Variants in KRT72 observed in about 807,000 individuals in gnomAD.
KRT72 encodes the protein keratin 72.
In KRT72, 44 loss-of-function variants were observed where a neutral mutation model predicts 44.7. The observed-to-expected ratio is 0.98, with a 90% CI of 0.77 to 1.27. KRT72 has a LOEUF of 1.27. Ranked by LOEUF, KRT72 falls within the 50% of genes most tolerant of loss-of-function variation. The pLI is 0.00. For synonymous variants in KRT72, 302 were observed against 280.4 expected, an observed-to-expected ratio of 1.08 and a Z score of -0.77; for missense variants, 736 against 667.1, an observed-to-expected ratio of 1.10 and a Z score of -1.14.
rs768590824 is a variant in KRT72 at position 52,598,948 on chromosome 12, C to T, written c.591G>A (p.Leu197=). The T allele has an allele frequency of 1.2e-6, 2 of 1,614,194 alleles. No homozygotes were observed. Among genetic ancestry groups the T allele is most frequent in the Non-Finnish European group, 1.7e-6 (2 of 1,180,048 alleles). The change falls in exon 2 of 9, where the codon CTG becomes CTA. Residue 197 remains leucine (L), a synonymous_variant. Transcript: ENST00000293745. ...LEMLSGDGVR[L]DSELRNMQDL... is the part of the protein sequence containing the mutation. ...CCTGCATGTTCCTCAGCTCCGAATCCAGCCTCACCCCGTCCCCAGACAGCA... is the reference window on the plus strand; with the variant it reads ...CCTGCATGTTCCTCAGCTCCGAATCTAGCCTCACCCCGTCCCCAGACAGCA...
chr12:52,601,249 G>T lies in KRT72; in HGVS notation c.204C>A (p.Gly68=). ...LALSAAARRG[G]GRLGGFVGTA... is the part of the protein sequence containing the mutation. Reference sequence around the variant, plus strand: ...TGCCCACGAAGCCGCCCAGGCGGCCGCCGCCCCGCCGTGCAGCAGCGCTGA... The same window carrying T: ...TGCCCACGAAGCCGCCCAGGCGGCCTCCGCCCCGCCGTGCAGCAGCGCTGA... Residue 68 remains glycine, a synonymous_variant, in exon 1 of 9, where the codon GGC becomes GGA. Coordinates refer to ENST00000293745, the MANE Select transcript of KRT72 (RefSeq NM_080747.3). 6.4e-7 allele frequency: 1 copy of T among 1,565,150 alleles called. No individual in the cohort carries two copies.
chr12:52,592,585 T>C, intron 3 of KRT72, 94 bp from the exon 4 acceptor site: 1 of 930,586 alleles, frequency 1.1e-6, no homozygotes, highest in South Asian at 1.5e-5. Context: ...TCCTCTCCCT[T>C]CACCCTGTGC....
chr12:52,590,083 A>C (rs1334199807), intron 6 of KRT72, among the ~76,000 whole-genome samples: 1 of 152,092 alleles, frequency 6.6e-6, no homozygotes, highest in Non-Finnish European at 1.5e-5. Context: ...AGATGGGACA[A>C]CTTGACTTGC....
rs1939984300 is a variant in KRT72 at position 52,590,905 on chromosome 12, C to G, written c.1020G>C (p.Lys340Asn). 1 of 1,608,006 alleles carries G rather than the reference C, an allele frequency of 6.2e-7. No individual in the cohort carries two copies. Among genetic ancestry groups the G allele is most frequent in the East Asian group, 2.2e-5 (1 of 44,778 alleles). Residue 340 changes from lysine to asparagine, a missense_variant, in exon 6 of 9, where the codon AAG (lysine) becomes AAC (asparagine). Lys to Asn is a moderately conservative substitution (Grantham distance 94, BLOSUM62 0). Coordinates refer to ENST00000293745, the MANE Select transcript of KRT72 (RefSeq NM_080747.3). ...GQHGDDLKLT[K>N]AEISELNRLI... Reference sequence around the variant, plus strand: ...GGCGGTTGAGCTCAGAGATTTCAGCCTTGGTGAGCTTGAGGTCATCCCCAT... The same window carrying G: ...GGCGGTTGAGCTCAGAGATTTCAGCGTTGGTGAGCTTGAGGTCATCCCCAT...
At position 52,587,639 on chromosome 12, in the gene KRT72, C is replaced by T. The variant is rs1939823886; in HGVS notation, c.1302G>A (p.Glu434=). ...GGTATCCGGCCCCTCACCTGCACTCCTCGCTCTCCAGCAGCTTGCGGTAGG... is the reference window on the plus strand; with the variant it reads ...GGTATCCGGCCCCTCACCTGCACTCTTCGCTCTCCAGCAGCTTGCGGTAGG... The part of the protein sequence containing the change: ...IATYRKLLES[E]ECRMSGEYPN... The change falls in exon 7 of 9, where the codon GAG becomes GAA. Residue 434 remains glutamate, a synonymous_variant. Coordinates refer to ENST00000293745, the MANE Select transcript of KRT72 (RefSeq NM_080747.3). 1 of 1,614,074 alleles carries T rather than the reference C, an allele frequency of 6.2e-7. No individual in the cohort carries two copies. The highest frequency in any genetic ancestry group is 1.1e-5 in the South Asian group (1 of 91,092).
chr12:52,590,712 C>T, intron 6 of KRT72, 124 bp downstream of exon 6: 1 of 914,564 alleles, frequency 1.1e-6, no homozygotes, highest in Non-Finnish European at 1.6e-6. Context: ...TTCAGATCAT[C>T]CTCTCCTGGT....
chr12:52,602,739 G>C (rs1343214156), upstream of KRT72, among the ~76,000 whole-genome samples: 1 of 152,206 alleles, frequency 6.6e-6, no homozygotes, highest in African/African-American at 2.4e-5. Flanking sequence ...CTTAGGGCAA[G>C]GCTTGTTACT....
Position 52,601,326 on chromosome 12 carries a change from A to C in KRT72, c.127T>G (p.Ser43Ala). 1 of 1,545,646 alleles carries C rather than the reference A, an allele frequency of 6.5e-7. No individual in the cohort carries two copies. The highest frequency in any genetic ancestry group is 8.7e-7 in the Non-Finnish European group (1 of 1,146,976). Residue 43 changes from serine (S) to alanine (A), a missense_variant, in exon 1 of 9, where the codon TCC (serine) becomes GCC (alanine). Transcript: ENST00000293745. ...CAGGAGAGGCTCTTGCTGCCAAAGG[A>C]GGCCGAGCCCTTGACCCGGGCCCGG... ...SFRARVKGSA[S>A]FGSKSLSCLG...
chr12:52,600,605 G>A (rs1940398011), intron 1 of KRT72, among the ~76,000 whole-genome samples: 1 of 152,086 alleles, frequency 6.6e-6, no homozygotes, highest in Non-Finnish European at 1.5e-5. Flanking sequence ...GTTTATCAGG[G>A]GTTTCCGTTT....
At chr12:52,598,827 A>G in intron 2 of KRT72, 71 bp downstream of exon 2, 1 of 1,400,288 alleles carries the variant, frequency 7.1e-7, no homozygotes, top group Non-Finnish European at 1.0e-6. Flanking sequence ...AGAAGCAAAA[A>G]TGCCATCTCC....
intron 4 of KRT72, among the ~76,000 whole-genome samples, chr12:52,592,118 C>T (rs535639186): frequency 6.6e-6 from 1 of 152,342 alleles, no homozygotes; most frequent in African/African-American, 2.4e-5. Flanking sequence ...CCAGGCAGAA[C>T]CCACCATTCC....
At chr12:52,586,837 C>T (rs535351292) in intron 8 of KRT72, 109 bp downstream of exon 8, 79 of 1,065,634 alleles carry the variant, frequency 7.4e-5, no homozygotes, top group South Asian at 4.8e-4. Context: ...CCTTAAGTCT[C>T]CCCTGAGCCC....
At position 52,598,860 on chromosome 12, in the gene KRT72, C is replaced by T. The variant is rs753967566; in HGVS notation, c.641+38G>A. The T allele has an allele frequency of 1.3e-5, 21 of 1,588,538 alleles. No individual in the cohort carries two copies. The Admixed American group carries it at 1.8e-4, about 14-fold the overall frequency. On this transcript the variant is annotated intron_variant, in intron 2 of 8. Transcript: ENST00000293745. ...TCCAAACGAAAACCTCATTTGAAAT[C>T]AGATCCTCCAGGGCCATATTCCCTG...
At chr12:52,596,974 A>G (rs1225459388) in intron 2 of KRT72, among the ~76,000 whole-genome samples, 1 of 152,224 alleles carries the variant, frequency 6.6e-6, no homozygotes, top group Admixed American at 6.5e-5. Flanking sequence ...AAACAGGAAA[A>G]GGATCAAGGT....
In KRT72 at chr12:52,587,828, G is replaced by A. The variant is rs776455684; in HGVS notation, c.1113C>T (p.Ile371=). The A allele has an allele frequency of 3.1e-6, 5 of 1,613,964 alleles. No individual in the cohort carries two copies. Among genetic ancestry groups the A allele is most frequent in the Middle Eastern group, 1.6e-4 (1 of 6,084 alleles). ...KKQCADLETA[I]ADAEQRGDCA... Reference sequence around the variant, plus strand: ...AGTCCCCCCGCTGTTCAGCGTCGGCGATGGCCGTCTCCAGATCGGCACACT... The same window carrying A: ...AGTCCCCCCGCTGTTCAGCGTCGGCAATGGCCGTCTCCAGATCGGCACACT... The change falls in exon 7 of 9, where the codon ATC becomes ATT. Residue 371 remains isoleucine (I), a synonymous_variant. Coordinates refer to ENST00000293745, the MANE Select transcript of KRT72 (RefSeq NM_080747.3).
chr12:52,597,236 A>T (rs2120797722), intron 2 of KRT72, among the ~76,000 whole-genome samples: 1 of 152,348 alleles, frequency 6.6e-6, no homozygotes, highest in Middle Eastern at 3.4e-3. Context: ...AGTTTTTTAA[A>T]ATCATTTTAG....
Position 52,585,745 on chromosome 12 carries a change from T to A in KRT72, c.*237A>T. ...AAACATCCTGGGTAAGTGTTGTCTT[T>A]GCATTTCAGGCAATGACCCAACGAA... On this transcript the variant is annotated 3_prime_UTR_variant, in exon 9 of 9. Coordinates refer to ENST00000293745, the MANE Select transcript of KRT72 (RefSeq NM_080747.3). 2.0e-6 allele frequency: 1 copy of A among 498,624 alleles called. No homozygotes were observed. The highest frequency in any genetic ancestry group is 3.6e-6 in the Non-Finnish European group (1 of 279,216). 30.9% of individuals were successfully genotyped at this position (498,624 alleles called of 1,614,324 possible).
chr12:52,594,605 T>G, intron 2 of KRT72, among the ~76,000 whole-genome samples: 1 of 138,550 alleles, frequency 7.2e-6, no homozygotes, highest in Non-Finnish European at 1.6e-5. Context: ...CCGAGGCCTG[T>G]TGTGGGGTGG....
rs200607010 is a variant in KRT72 at position 52,592,871 on chromosome 12, C to A, written c.702+21G>T. 5.2e-4 allele frequency: 843 copies of A among 1,611,372 alleles called. 12 individuals are homozygous for A. The South Asian group carries it at 8.6e-3, about 16-fold the overall frequency. The stretch of plus-strand genomic sequence containing the variant: ...GTGGTCAGGTCTAGGCTTCTTCCAG[C>A]CCACCTGGCACCCCTCTTACCTTCT... On this transcript the variant is annotated intron_variant, in intron 3 of 8. Coordinates refer to ENST00000293745, the MANE Select transcript of KRT72 (RefSeq NM_080747.3).
Sources: allele counts gnomAD v4.1 joint callset (sites outside exome capture counted in the v4.1 genomes callset), GRCh38; gene constraint gnomAD v4.1.1; transcripts MANE v1.5; gene names NCBI Gene and HGNC (gene_info 2026-07-23, HGNC 2026-07-21).